ITPR1: variants seen among roughly 807,000 people sequenced by gnomAD.
ITPR1 encodes the protein inositol 1,4,5-trisphosphate-gated calcium channel ITPR1.
ITPR1 carries 96 observed loss-of-function variants against 318.4 expected under a neutral mutation model. The ratio of observed to expected loss-of-function variants is 0.30; its 90% confidence interval spans 0.26 to 0.36. ITPR1 has a LOEUF of 0.36. ITPR1 is among the 10% of genes least tolerant of loss of function. The pLI is 1.00. For missense variants in ITPR1, 2,440 were observed against 3,460.2 expected (o/e 0.71, Z 7.40); for synonymous variants, 1,312 against 1,289.9 (o/e 1.02, Z -0.37).
chr3:4,598,667 C>T (rs2091039757), intron 4 of ITPR1, among the ~76,000 whole-genome samples: 1 of 152,030 alleles, frequency 6.6e-6, no homozygotes, highest in Non-Finnish European at 1.5e-5. Flanking sequence ...ATCACTTCTG[C>T]CTTTAAGATG....
chr3:4,538,359 G>T (rs1390031688), intron 4 of ITPR1, among the ~76,000 whole-genome samples: 3 of 152,062 alleles, frequency 2.0e-5, no homozygotes. Flanking sequence ...ACCATCTCAC[G>T]CCAGTCAGAA....
intron 49 of ITPR1, among the ~76,000 whole-genome samples, chr3:4,780,884 G>A (rs2046786576): frequency 6.6e-6 from 1 of 152,198 alleles, no homozygotes; most frequent in African/African-American, 2.4e-5. Flanking sequence ...TATCTCAGGT[G>A]GGGAAAATGT....
At chr3:4,768,416 A>G (rs963966580) in intron 45 of ITPR1, 95 bp from the exon 46 acceptor site, 2 of 1,375,580 alleles carry the variant, frequency 1.5e-6, no homozygotes, top group East Asian at 2.4e-5. Context: ...TCTCTAGGAG[A>G]TAAAGGAATG....
intron 61 of ITPR1, among the ~76,000 whole-genome samples, chr3:4,841,897 A>G (rs2051371815): frequency 6.6e-6 from 1 of 152,206 alleles, no homozygotes; most frequent in Non-Finnish European, 1.5e-5. Flanking sequence ...ATTTCTCAGT[A>G]TTTGAGGCTC....
At chr3:4,701,617 T>A (rs2094654203) in intron 35 of ITPR1, among the ~76,000 whole-genome samples, 1 of 152,224 alleles carries the variant, frequency 6.6e-6, no homozygotes, top group Non-Finnish European at 1.5e-5. Flanking sequence ...CATGGAGGTT[T>A]GCCATCAGAG....
chr3:4,768,987 C>G (rs907597999), intron 46 of ITPR1, among the ~76,000 whole-genome samples: 1 of 151,286 alleles, frequency 6.6e-6, no homozygotes, highest in African/African-American at 2.4e-5. Context: ...TTGGCTTACT[C>G]CAACCTCCAG....
At chr3:4,553,245 G>A (rs531667809) in intron 4 of ITPR1, among the ~76,000 whole-genome samples, 7 of 152,194 alleles carry the variant, frequency 4.6e-5, no homozygotes, top group Non-Finnish European at 7.4e-5. Context: ...AGTGAGGGTT[G>A]GGATAGAGGG....
rs563125829 is a variant in ITPR1 at position 4,559,411 on chromosome 3, A to G, written c.163+38317A>G. ...TAAAATTTTAATGGTTAAAAAGTAT[A>G]GACAACTTTATATATTTTAAAAGTC... On this transcript the variant is annotated intron_variant, in intron 4 of 61. Coordinates refer to ENST00000649015, the MANE Select transcript of ITPR1 (RefSeq NM_001378452.1). Among the ~76,000 whole-genome samples the G allele has an allele frequency of 2.2e-3, 329 of 152,350 alleles. 1 individual carries two copies. Among genetic ancestry groups the G allele is most frequent in the African/African-American group, 7.4e-3 (306 of 41,590 alleles).
rs755482416 is a variant in ITPR1 at position 4,811,449 on chromosome 3, C to G, written c.7457C>G (p.Thr2486Arg). The G allele has an allele frequency of 1.9e-6, 3 of 1,613,546 alleles. No individual in the cohort carries two copies. Among genetic ancestry groups the G allele is most frequent in the South Asian group, 1.1e-5 (1 of 91,024 alleles). Reference sequence around the variant, plus strand: ...GAAGTAGATAGGCTGCCCAATGAAACAGCTGTTCCAGGTGGGTTTGGGATC... The same window carrying G: ...GAAGTAGATAGGCTGCCCAATGAAAGAGCTGTTCCAGGTGGGTTTGGGATC... ...ILEVDRLPNE[T>R]AVPETGESLA... Residue 2486 changes from threonine (T) to arginine (R), a missense_variant, in exon 56 of 62, where the codon ACA becomes AGA. Physicochemically the swap from Thr to Arg is moderately conservative, Grantham distance 71. Coordinates refer to ENST00000649015, the MANE Select transcript of ITPR1 (RefSeq NM_001378452.1).
chr3:4,583,684 G>A, intron 4 of ITPR1, among the ~76,000 whole-genome samples: 1 of 152,066 alleles, frequency 6.6e-6, no homozygotes, highest in East Asian at 1.9e-4. Flanking sequence ...CGTTATTCCT[G>A]GAAAGGGCTG....
chr3:4,521,366 G>A (rs1192349501), intron 4 of ITPR1, among the ~76,000 whole-genome samples: 1 of 152,108 alleles, frequency 6.6e-6, no homozygotes, highest in Non-Finnish European at 1.5e-5. Flanking sequence ...ATTTGTACAG[G>A]TATTTCTTCA....
chr3:4,669,908 G>A, intron 19 of ITPR1, 135 bp downstream of exon 19: 1 of 934,848 alleles, frequency 1.1e-6, no homozygotes, highest in East Asian at 3.2e-5. Flanking sequence ...TCTTCTTATT[G>A]GAAAAGTCTT....
chr3:4,693,464 C>G lies in ITPR1; in HGVS notation c.4030-26C>G, dbSNP rs751943548. On this transcript the variant is annotated intron_variant, in intron 32 of 61. Coordinates refer to ENST00000649015, the MANE Select transcript of ITPR1 (RefSeq NM_001378452.1). ...TGCCCCACCCCTGCAAGCTTGTAAT[C>G]TAAACCCACCCTGTTCTTTATGTAG... 7 of 1,604,864 alleles carry G rather than the reference C, an allele frequency of 4.4e-6. No homozygotes were observed. In the South Asian group the frequency reaches 7.7e-5, roughly 18 times the overall value.
At chr3:4,592,130 GGTCAGGGAACTAC>G (rs2090441818) in intron 4 of ITPR1, among the ~76,000 whole-genome samples, 1 of 152,196 alleles carries the variant, frequency 6.6e-6, no homozygotes, top group South Asian at 2.1e-4. Context: ...AATTGAGTGA[GGTCAGGGAACTAC>G]GTCAGTCCTG....
chr3:4,790,356 C>T (rs2047475192), intron 52 of ITPR1, among the ~76,000 whole-genome samples: 1 of 152,152 alleles, frequency 6.6e-6, no homozygotes. Context: ...GGTCATTATG[C>T]CAAGACTTAT....
intron 53 of ITPR1, among the ~76,000 whole-genome samples, chr3:4,796,093 T>C (rs1267594745): frequency 6.6e-6 from 1 of 152,190 alleles, no homozygotes; most frequent in Non-Finnish European, 1.5e-5. Context: ...CTCTTTAGCT[T>C]AATCATGCAG....
chr3:4,691,000 A>G, intron 31 of ITPR1, 144 bp from the exon 32 acceptor site: 1 of 512,190 alleles, frequency 2.0e-6, no homozygotes, highest in Non-Finnish European at 3.4e-6. Flanking sequence ...GTAGTACAGA[A>G]GCAAGAATGA....
At chr3:4,807,240 G>A (rs912236865) in intron 55 of ITPR1, among the ~76,000 whole-genome samples, 8 of 151,992 alleles carry the variant, frequency 5.3e-5, no homozygotes, top group African/African-American at 1.9e-4. Flanking sequence ...AAACCCCCCC[G>A]AAGCGCGTAT....
In ITPR1 at chr3:4,818,247, G is replaced by C; in HGVS notation, c.8028+5G>C. On this transcript the variant is annotated splice_donor_5th_base_variant and intron_variant, in intron 60 of 61. Transcript: ENST00000649015. The stretch of plus-strand genomic sequence containing the variant: ...TACGTGGCAGAAATGATCAAGGTGA[G>C]TGGAAAGGCCTCCTGGGAGCAAGGT... The C allele has an allele frequency of 6.4e-7, 1 of 1,562,276 alleles. No homozygotes were observed. Among genetic ancestry groups the C allele is most frequent in the Non-Finnish European group, 8.8e-7 (1 of 1,141,166 alleles).
Sources: gnomAD v4.1 joint callset for allele counts (sites outside exome capture counted in the v4.1 genomes callset) on GRCh38, gnomAD v4.1.1 for gene constraint, MANE v1.5 for transcripts, NCBI Gene and HGNC (gene_info 2026-07-23, HGNC 2026-07-21) for gene names.